The following C1orf167 variants were observed in gnomAD, a reference collection of about 807,000 sequenced individuals.
C1orf167 encodes uncharacterized protein C1orf167.
In C1orf167, 153 loss-of-function variants were observed where a neutral mutation model predicts 176.5. That is an observed-to-expected ratio of 0.87 (90% CI 0.76 to 0.99). C1orf167 has a LOEUF of 0.99. C1orf167 is among the 50% of genes least tolerant of loss of function. C1orf167 has a pLI of 0.00. For synonymous variants in C1orf167, 594 were observed against 752.7 expected, an observed-to-expected ratio of 0.79 and a Z score of 3.45; for missense variants, 1,490 against 1,817.7, an observed-to-expected ratio of 0.82 and a Z score of 3.28.
Position 11,768,394 on chromosome 1 carries a change from C to T in C1orf167, c.1542+119C>T. Reference sequence around the variant, plus strand: ...TAGGTGGCACCTCATGAATGATCAGCAGTAAAGGGTGTAGTTGTGAGTCCA... The same window carrying T: ...TAGGTGGCACCTCATGAATGATCAGTAGTAAAGGGTGTAGTTGTGAGTCCA... On this transcript the variant is annotated intron_variant, in intron 5 of 20. Transcript: ENST00000688073. This position sits in a 1 kb window ranked among gnomAD's most constrained non-coding sequence, Gnocchi z 4.5. 1 of 888,096 alleles carries T rather than the reference C, an allele frequency of 1.1e-6. No individual in the cohort carries two copies. Among genetic ancestry groups the T allele is most frequent in the Non-Finnish European group, 1.5e-6 (1 of 653,902 alleles). 55.0% of individuals were successfully genotyped at this position (888,096 alleles called of 1,614,324 possible).
At chr1:11,771,816 C>G (rs972509816) in intron 7 of C1orf167, among the ~76,000 whole-genome samples, 180 bp downstream of exon 7, 1 of 152,122 alleles carries the variant, frequency 6.6e-6, no homozygotes, top group African/African-American at 2.4e-5. Flanking sequence ...GGAACTGTGC[C>G]CATTTTACGG....
rs1643906762 is a variant in C1orf167 at position 11,787,389 on chromosome 1, C to T, written c.3569C>T (p.Thr1190Ile). 1 of 1,291,906 alleles carries T rather than the reference C, an allele frequency of 7.7e-7. No individual in the cohort carries two copies. Among genetic ancestry groups the T allele is most frequent in the Non-Finnish European group, 1.0e-6 (1 of 982,706 alleles). 80.0% of individuals were successfully genotyped at this position (1,291,906 alleles called of 1,614,324 possible). ...VRLGLPGAGK[T>I]RSCWTQATEL... ...GCTCCTCTCTGGCTATTCCTTCAGA[C>T]CCGCAGCTGCTGGACACAGGCCACA... Residue 1190 changes from threonine (T) to isoleucine (I), a missense_variant and splice_region_variant, in exon 17 of 21, where the codon ACC (threonine) becomes ATC (isoleucine). Coordinates refer to ENST00000688073, the MANE Select transcript of C1orf167 (RefSeq NM_001010881.2).
rs1198989230 is a variant in C1orf167, at chr1:11,776,599, T to C, written c.2300T>C (p.Leu767Pro). Residue 767 changes from leucine to proline, a missense_variant, in exon 10 of 21, where the codon CTG (leucine) becomes CCG (proline). By Grantham distance (98) the Leu-to-Pro change is moderately conservative. Coordinates refer to ENST00000688073, the MANE Select transcript of C1orf167 (RefSeq NM_001010881.2). ...ACACTGGCCCTCTGCTGGGCGCTGC[T>C]GCTGTGGAAGATGCGGCTTTTCCAG... The part of the protein sequence containing the change: ...CWTLALCWAL[L>P]LWKMRLFQRQ... 2 of 1,210,568 alleles carry C rather than the reference T, an allele frequency of 1.7e-6. No individual in the cohort carries two copies. Among genetic ancestry groups the C allele is most frequent in the Non-Finnish European group, 2.1e-6 (2 of 943,724 alleles). 75.0% of individuals were successfully genotyped at this position (1,210,568 alleles called of 1,614,324 possible). A position where few individuals can be genotyped will look rare whatever the true frequency, so the allele number is the denominator to read the frequency against.
Position 11,785,295 on chromosome 1 carries a change from C to A in C1orf167, c.3567+6C>A. On this transcript the variant is annotated splice_donor_region_variant and intron_variant, in intron 16 of 20. Coordinates refer to ENST00000688073, the MANE Select transcript of C1orf167 (RefSeq NM_001010881.2). ...GACTGCCAGGGGCCGGCAAGGTACG[C>A]CCCAAGCCCCAGACTGACCTCACGC... 1.6e-6 allele frequency: 2 copies of A among 1,282,030 alleles called. No homozygotes were observed. The highest frequency in any genetic ancestry group is 2.0e-6 in the Non-Finnish European group (2 of 982,506). 79.4% of individuals were successfully genotyped at this position (1,282,030 alleles called of 1,614,324 possible). A position where few individuals can be genotyped will look rare whatever the true frequency, so the allele number is the denominator to read the frequency against.
chr1:11,764,504 C>G, intron 2 of C1orf167, 34 bp downstream of exon 2: 1 of 1,285,114 alleles, frequency 7.8e-7, no homozygotes, highest in Non-Finnish European at 1.0e-6. Flanking sequence ...TGGGCAGTTA[C>G]AGGAGCAGGG....
At chr1:11,773,089 C>T (rs1570397410) in intron 8 of C1orf167, among the ~76,000 whole-genome samples, 2 of 151,654 alleles carry the variant, frequency 1.3e-5, no homozygotes, top group East Asian at 2.0e-4. Flanking sequence ...TTAGCAGAGT[C>T]AGGGTTTCAC....
rs1251874206 is a variant in C1orf167 at position 11,764,448 on chromosome 1, G to A, written c.48G>A (p.Lys16=). ...DASHKENVSP[K]PAALPKPEQR... The stretch of plus-strand genomic sequence containing the variant: ...GCCACAAGGAGAATGTGTCCCCAAA[G>A]CCTGCAGCGCTCCCGAAGCCAGGCA... The change falls in exon 2 of 21, where the codon AAG becomes AAA. Residue 16 remains lysine, a synonymous_variant. Transcript: ENST00000688073. 5 of 1,289,414 alleles carry A rather than the reference G, an allele frequency of 3.9e-6. No homozygotes were observed. Among genetic ancestry groups the A allele is most frequent in the Non-Finnish European group, 5.1e-6 (5 of 988,866 alleles). 79.9% of individuals were successfully genotyped at this position (1,289,414 alleles called of 1,614,324 possible).
chr1:11,785,003 C>A, intron 15 of C1orf167, 145 bp from the exon 16 acceptor site: 1 of 715,286 alleles, frequency 1.4e-6, no homozygotes, highest in Non-Finnish European at 1.9e-6. Flanking sequence ...CAGATTCTCC[C>A]TCCAGAAAAG....
chr1:11,785,513 C>T (rs59375726), intron 16 of C1orf167, among the ~76,000 whole-genome samples: 18,732 of 152,210 alleles, frequency 0.12, 1,470 homozygotes, highest in Middle Eastern at 0.23. Flanking sequence ...ACCTCGTATG[C>T]ACCACCTCTC....
chr1:11,772,961 C>T (rs1276491321), intron 8 of C1orf167, among the ~76,000 whole-genome samples: 1 of 130,690 alleles, frequency 7.7e-6, no homozygotes, highest in African/African-American at 2.7e-5. Context: ...TGCAGTGGCA[C>T]GATCTCGGCT....
rs1208817505 is a variant in C1orf167, at chr1:11,779,819, G to C, written c.2669G>C (p.Ser890Thr). The C allele has an allele frequency of 7.7e-7, 1 of 1,302,196 alleles. No individual in the cohort carries two copies. Among genetic ancestry groups the C allele is most frequent in the Non-Finnish European group, 1.0e-6 (1 of 988,198 alleles). The allele number at this position is 1,302,196 out of a possible 1,614,324, so 80.7% of individuals were successfully genotyped here. The change falls in exon 13 of 21, where the codon AGC becomes ACC. Residue 890 changes from serine (S) to threonine (T), a missense_variant. Coordinates refer to ENST00000688073, the MANE Select transcript of C1orf167 (RefSeq NM_001010881.2). ...TTTCCCAGCATCTTCCTCAGCTGGAGCCGCTGGGCAACAGCCCAATGGGCC... is the reference window on the plus strand; with the variant it reads ...TTTCCCAGCATCTTCCTCAGCTGGACCCGCTGGGCAACAGCCCAATGGGCC... ...TRQRRIFLSW[S>T]RWATAQWAWR...
intron 8 of C1orf167, 145 bp downstream of exon 8, chr1:11,772,404 A>C (rs1643124641): frequency 1.5e-6 from 1 of 683,640 alleles, no homozygotes; most frequent in African/African-American, 1.9e-5. Context: ...AGCTGGGACC[A>C]TAAGCATGTG....
Position 11,768,972 on chromosome 1 carries a change from G to T in C1orf167, c.1543-1G>T. On this transcript the variant is annotated splice_acceptor_variant, in intron 5 of 20. Transcript: ENST00000688073. LOFTEE classifies it high-confidence loss of function. The surrounding 1 kb of genome is among the most constrained non-coding windows in gnomAD (Gnocchi z 4.5). ...TCCTTTCCCCTTCTCTCTTGAGCCA[G>T]TGGAGAAACCTGGCTTTACAGCAGA... 1 of 985,964 alleles carries T rather than the reference G, an allele frequency of 1.0e-6. No homozygotes were observed. Among genetic ancestry groups the T allele is most frequent in the Non-Finnish European group, 1.2e-6 (1 of 829,990 alleles). 61.1% of individuals were successfully genotyped at this position (985,964 alleles called of 1,614,324 possible).
intron 8 of C1orf167, among the ~76,000 whole-genome samples, chr1:11,772,502 A>G (rs1467041014): frequency 6.6e-6 from 1 of 152,168 alleles, no homozygotes; most frequent in Non-Finnish European, 1.5e-5. Flanking sequence ...CCTGAACTCA[A>G]GTGATCTGCC....
Position 11,789,366 on chromosome 1 carries a change from C to T in C1orf167, c.4270C>T (p.Pro1424Ser). 2 of 1,304,102 alleles carry T rather than the reference C, an allele frequency of 1.5e-6. No individual in the cohort carries two copies. The highest frequency in any genetic ancestry group is 1.2e-5 in the South Asian group (1 of 81,020). 80.8% of individuals were successfully genotyped at this position (1,304,102 alleles called of 1,614,324 possible). A position where few individuals can be genotyped will look rare whatever the true frequency, so the allele number is the denominator to read the frequency against. Residue 1424 changes from proline to serine, a missense_variant, in exon 21 of 21, where the codon CCC becomes TCC. By Grantham distance (74) the Pro-to-Ser change is moderately conservative. Coordinates refer to ENST00000688073, the MANE Select transcript of C1orf167 (RefSeq NM_001010881.2). The part of the protein sequence containing the change: ...RPWSKPGPKG[P>S]ESGQEAARAP... Reference sequence around the variant, plus strand: ...CTGGAGCAAGCCAGGCCCCAAGGGCCCCGAGAGTGGACAGGAAGCCGCCAG... The same window carrying T: ...CTGGAGCAAGCCAGGCCCCAAGGGCTCCGAGAGTGGACAGGAAGCCGCCAG...
At chr1:11,786,672 C>T (rs1643881649) in intron 16 of C1orf167, 1 of 150,526 alleles carries the variant, frequency 6.6e-6, no homozygotes, top group African/African-American at 2.4e-5. Flanking sequence ...AACTCCTGGG[C>T]TCAAGCGATC....
intron 7 of C1orf167, 83 bp from the exon 8 acceptor site, chr1:11,771,999 C>T: frequency 9.0e-7 from 1 of 1,109,994 alleles, no homozygotes; most frequent in Non-Finnish European, 1.2e-6. Flanking sequence ...CGACAGGCAC[C>T]CCACATGTCA....
chr1:11,787,698 T>C (rs1174138244), intron 17 of C1orf167, 175 bp from the exon 18 acceptor site: 3 of 1,026,196 alleles, frequency 2.9e-6, no homozygotes, highest in Non-Finnish European at 3.8e-6. Flanking sequence ...GATTTCTCTT[T>C]GGGCGGCAGG....
chr1:11,767,197 T>A, intron 3 of C1orf167, 24 bp from the exon 4 acceptor site: 10 of 1,289,626 alleles, frequency 7.8e-6, no homozygotes, highest in Non-Finnish European at 8.1e-6. Context: ...CTGAGAACTG[T>A]GTTATGTACT....
Sources: allele counts gnomAD v4.1 joint callset (sites outside exome capture counted in the v4.1 genomes callset), GRCh38; gene constraint gnomAD v4.1.1; non-coding constraint Gnocchi (gnomAD v3.1); transcripts MANE v1.5; gene names NCBI Gene and HGNC (gene_info 2026-07-23, HGNC 2026-07-21).